Variants in TAOK3 observed in about 807,000 individuals in gnomAD.
TAOK3 encodes the protein serine/threonine-protein kinase TAO3.
Under a neutral mutation model 120.4 loss-of-function variants are expected in TAOK3, and 40 were observed. That is an observed-to-expected ratio of 0.33 (90% CI 0.26 to 0.43). The LOEUF is 0.43. Among genes scored for constraint, TAOK3 ranks in the 20% least tolerant of loss-of-function variants. The probability of loss-of-function intolerance (pLI) is 1.00; values close to 1 mark genes in which losing one functional copy is unlikely to be tolerated. For synonymous variants in TAOK3, 355 were observed against 387.5 expected, an observed-to-expected ratio of 0.92 and a Z score of 0.99; for missense variants, 821 against 1,112.1, an observed-to-expected ratio of 0.74 and a Z score of 3.72.
intron 1 of TAOK3, among the ~76,000 whole-genome samples, chr12:118,355,006 G>T (rs552184787): frequency 7.9e-5 from 12 of 152,050 alleles, no homozygotes; most frequent in Admixed American, 2.0e-4. Context: ...CTGAGGCTGT[G>T]GTGAGCTATG....
intron 1 of TAOK3, among the ~76,000 whole-genome samples, chr12:118,357,845 G>A (rs763628187): frequency 2.0e-5 from 3 of 152,290 alleles, no homozygotes; most frequent in South Asian, 4.1e-4. Context: ...GAAAAAGAAC[G>A]TGCTATATGA....
At position 118,161,668 on chromosome 12, in the gene TAOK3, G is replaced by T; in HGVS notation, c.2139+120C>A. 1 of 1,309,282 alleles carries T rather than the reference G, an allele frequency of 7.6e-7. No individual in the cohort carries two copies. The highest frequency in any genetic ancestry group is 1.1e-6 in the Non-Finnish European group (1 of 941,054). 81.1% of individuals were successfully genotyped at this position (1,309,282 alleles called of 1,614,324 possible). ...TCTGTGCTTTGCAACTGGAGATTCTGATACAATAGGTGTGGGGTGCAGAAA... is the reference window on the plus strand; with the variant it reads ...TCTGTGCTTTGCAACTGGAGATTCTTATACAATAGGTGTGGGGTGCAGAAA... On this transcript the variant is annotated intron_variant, in intron 18 of 20. Coordinates refer to ENST00000392533, the MANE Select transcript of TAOK3 (RefSeq NM_016281.4). The surrounding 1 kb of genome is among the most constrained non-coding windows in gnomAD (Gnocchi z 4.5).
At chr12:118,177,400 A>C in intron 15 of TAOK3, 71 bp from the exon 16 acceptor site, 1 of 1,386,866 alleles carries the variant, frequency 7.2e-7, no homozygotes, top group South Asian at 1.2e-5. Context: ...TATATTCTCC[A>C]GTGCAGTAAG....
At chr12:118,188,516 T>C (rs1278184997) in intron 14 of TAOK3, among the ~76,000 whole-genome samples, 1 of 152,214 alleles carries the variant, frequency 6.6e-6, no homozygotes, top group African/African-American at 2.4e-5. Flanking sequence ...AGTGGGCTTA[T>C]TTATAAGCAG....
At chr12:118,328,376 T>C (rs2044016374) in intron 1 of TAOK3, among the ~76,000 whole-genome samples, 1 of 152,170 alleles carries the variant, frequency 6.6e-6, no homozygotes, top group South Asian at 2.1e-4. Flanking sequence ...ATTGAGTTCT[T>C]AAAATGACCA....
At chr12:118,367,718 A>G (rs560314111) in intron 1 of TAOK3, among the ~76,000 whole-genome samples, 69 of 152,164 alleles carry the variant, frequency 4.5e-4, no homozygotes, top group Middle Eastern at 3.4e-3. Flanking sequence ...ATTACTGAAA[A>G]GTCATCTTTT....
rs145504549 is a variant in TAOK3 at position 118,252,857 on chromosome 12, A to G, written c.120+2591T>C. ...GCCTCAGCCTCCCGAGTAGCTAAGT[A>G]GCTAAGTACAGGCGTCCACCACCAT... On this transcript the variant is annotated intron_variant, in intron 3 of 20. Coordinates refer to ENST00000392533, the MANE Select transcript of TAOK3 (RefSeq NM_016281.4). 7.1e-3 allele frequency among the ~76,000 whole-genome samples: 1,076 copies of G among 151,736 alleles called. 7 individuals are homozygous for G. The highest frequency in any genetic ancestry group is 0.017 in the Middle Eastern group (5 of 294).
At chr12:118,247,476 C>CATATAT (rs780142969) in intron 3 of TAOK3, among the ~76,000 whole-genome samples, 39 of 151,002 alleles carry the variant, frequency 2.6e-4, no homozygotes, top group Admixed American at 3.3e-4. Flanking sequence ...TCAAGATATA[C>CATATAT]ATATATATAT....
At chr12:118,313,851 CAAAGAAG>C (rs1420076765) in intron 1 of TAOK3, among the ~76,000 whole-genome samples, 5 of 152,162 alleles carry the variant, frequency 3.3e-5, no homozygotes, top group Non-Finnish European at 5.9e-5. Flanking sequence ...GCGACTGAGT[CAAAGAAG>C]TTAATTTATC....
intron 16 of TAOK3, 95 bp downstream of exon 16, chr12:118,177,106 T>C (rs1265235481): frequency 9.7e-6 from 13 of 1,336,108 alleles, no homozygotes; most frequent in Admixed American, 1.9e-5. Context: ...TGAGACTCAC[T>C]GGACTAGAAT....
chr12:118,358,604 C>G (rs899544807), intron 1 of TAOK3, among the ~76,000 whole-genome samples: 1 of 152,158 alleles, frequency 6.6e-6, no homozygotes, highest in African/African-American at 2.4e-5. Context: ...ATTTAAAAGA[C>G]TCTTCCGACA....
intron 9 of TAOK3, among the ~76,000 whole-genome samples, chr12:118,229,115 G>A (rs1363631783): frequency 6.9e-6 from 1 of 143,936 alleles, no homozygotes; most frequent in Non-Finnish European, 1.5e-5. Flanking sequence ...TTTTTTTTTG[G>A]GGGGGACAGA....
intron 4 of TAOK3, among the ~76,000 whole-genome samples, chr12:118,244,261 C>T (rs1479474961): frequency 6.6e-6 from 1 of 152,016 alleles, no homozygotes; most frequent in Non-Finnish European, 1.5e-5. Flanking sequence ...TGGGGTCTCA[C>T]CATATTGCCC....
At chr12:118,329,145 A>C (rs1422346194) in intron 1 of TAOK3, among the ~76,000 whole-genome samples, 1 of 152,174 alleles carries the variant, frequency 6.6e-6, no homozygotes, top group Non-Finnish European at 1.5e-5. Flanking sequence ...AGTTAATGCA[A>C]AAGCCTAGAG....
intron 19 of TAOK3, among the ~76,000 whole-genome samples, chr12:118,153,408 A>G (rs1488742894): frequency 6.6e-6 from 1 of 152,102 alleles, no homozygotes; most frequent in Non-Finnish European, 1.5e-5. Context: ...ACTTTGTCTC[A>G]TAAAAAAAAA....
At chr12:118,230,366 T>A (rs1464214880) in intron 9 of TAOK3, among the ~76,000 whole-genome samples, 1 of 152,046 alleles carries the variant, frequency 6.6e-6, no homozygotes. Flanking sequence ...ATGGTATGGA[T>A]TCTGGGGCAG....
intron 8 of TAOK3, among the ~76,000 whole-genome samples, chr12:118,234,923 G>A (rs1037211810): frequency 9.2e-5 from 14 of 152,182 alleles, no homozygotes; most frequent in Non-Finnish European, 1.3e-4. Context: ...CTATTATGAT[G>A]TGTAAGCAGT....
At chr12:118,217,816 C>CATATATATATATAT (rs57197721) in intron 9 of TAOK3, among the ~76,000 whole-genome samples, 2 of 45,970 alleles carry the variant, frequency 4.4e-5, no homozygotes, top group East Asian at 7.5e-4. Context: ...TGTGTGTATA[C>CATATATATATATAT]ATATATATAT....
chr12:118,161,885 G>A lies in TAOK3; in HGVS notation c.2042C>T (p.Thr681Met), dbSNP rs1334481995. The A allele has an allele frequency of 5.6e-6, 9 of 1,614,034 alleles. No homozygotes were observed. Among genetic ancestry groups the A allele is most frequent in the Admixed American group, 1.7e-5 (1 of 59,996 alleles). Reference protein sequence around the residue: ...RMDLIRLQHQTELENQLEYNK... With the variant: ...RMDLIRLQHQMELENQLEYNK... ...GTACTCCAGCTGGTTTTCCAGTTCC[G>A]TCTGGTGCTGTAAACGGATCAGATC... Residue 681 changes from threonine (T) to methionine (M), a missense_variant, in exon 18 of 21, where the codon ACG (threonine) becomes ATG (methionine). This residue lies in a region of TAOK3 where 354 missense variants were observed against 572.1 expected (regional missense o/e 0.62). Transcript: ENST00000392533. The surrounding 1 kb of genome is among the most constrained non-coding windows in gnomAD (Gnocchi z 4.5).
Sources: gnomAD v4.1 joint callset for allele counts (sites outside exome capture counted in the v4.1 genomes callset) on GRCh38, gnomAD v4.1.1 for gene constraint, gnomAD v4.1.1 regional missense constraint, Gnocchi (gnomAD v3.1) non-coding constraint, MANE v1.5 for transcripts, NCBI Gene and HGNC (gene_info 2026-07-23, HGNC 2026-07-21) for gene names.